RBMS1: variants seen among roughly 807,000 people sequenced by gnomAD.
RBMS1 encodes the protein RNA-binding motif, single-stranded-interacting protein 1.
Under a neutral mutation model 62.3 loss-of-function variants are expected in RBMS1, and 17 were observed. The ratio of observed to expected loss-of-function variants is 0.27; its 90% CI spans 0.19 to 0.41. RBMS1 has a LOEUF of 0.41. Among genes scored for constraint, RBMS1 ranks in the 10% least tolerant of loss-of-function variants. The probability of loss-of-function intolerance (pLI) is 1.00; values close to 1 mark genes in which losing one functional copy is unlikely to be tolerated. For missense variants in RBMS1, 334 were observed against 504.5 expected (o/e 0.66, Z 3.24); for synonymous variants, 172 against 170.0 (o/e 1.01, Z -0.09).
chr2:160,309,820 G>T (rs1018019580), intron 4 of RBMS1, among the ~76,000 whole-genome samples: 1 of 152,154 alleles, frequency 6.6e-6, no homozygotes, highest in Non-Finnish European at 1.5e-5. Flanking sequence ...GCTGAAGGAA[G>T]AGTGAGAAAA....
At chr2:160,307,232 G>C (rs939349150) in intron 4 of RBMS1, among the ~76,000 whole-genome samples, 1 of 152,074 alleles carries the variant, frequency 6.6e-6, no homozygotes, top group African/African-American at 2.4e-5. Context: ...GTTTTCTCTT[G>C]TACAGAATAG....
intron 1 of RBMS1, among the ~76,000 whole-genome samples, chr2:160,447,451 A>G (rs911107683): frequency 1.1e-4 from 17 of 152,240 alleles, no homozygotes; most frequent in Admixed American, 1.0e-3. Flanking sequence ...GTGAAAGTCT[A>G]TGCTTACTGA....
Position 160,493,547 on chromosome 2 carries a change from C to CCTT in RBMS1, c.-185_-184insAAG. On this transcript the variant is annotated 5_prime_UTR_variant, in exon 1 of 14. Transcript: ENST00000348849. ...TCCTCCTCCTCCTCCTCCTCTTCCT[C>CCTT]CTCCTCCTCCTCCTCCTCCTCCTCT... 1 of 604,262 alleles carries CCTT rather than the reference C, an allele frequency of 1.7e-6. No homozygotes were observed. Among genetic ancestry groups the CCTT allele is most frequent in the Non-Finnish European group, 2.9e-6 (1 of 343,046 alleles). 37.4% of individuals were successfully genotyped at this position (604,262 alleles called of 1,614,324 possible). A position where few individuals can be genotyped will look rare whatever the true frequency, so the allele number is the denominator to read the frequency against.
intron 1 of RBMS1, among the ~76,000 whole-genome samples, chr2:160,452,185 G>T (rs939970511): frequency 1.3e-5 from 2 of 151,930 alleles, no homozygotes; most frequent in Admixed American, 1.3e-4. Context: ...TGGAATTACT[G>T]GAACTTAGAG....
intron 1 of RBMS1, among the ~76,000 whole-genome samples, chr2:160,449,387 G>C (rs1249801888): frequency 2.0e-5 from 3 of 152,266 alleles, no homozygotes; most frequent in African/African-American, 7.2e-5. Context: ...GAATAGAAAA[G>C]GGGGAAATGT....
chr2:160,284,746 T>C (rs778176246), intron 9 of RBMS1, 29 bp downstream of exon 9: 4 of 1,466,602 alleles, frequency 2.7e-6, no homozygotes, highest in South Asian at 1.1e-5. Context: ...CAAGTGGTTA[T>C]ACTGCTGACG....
chr2:160,374,977 A>C (rs1693920280), intron 1 of RBMS1, among the ~76,000 whole-genome samples: 1 of 152,090 alleles, frequency 6.6e-6, no homozygotes, highest in African/African-American at 2.4e-5. Context: ...AAGTTAGAAT[A>C]TCCAGATTCA....
At chr2:160,278,257 A>G in intron 11 of RBMS1, 1 of 395,214 alleles carries the variant, frequency 2.5e-6, no homozygotes, top group Non-Finnish European at 4.6e-6. Flanking sequence ...ACACTGCCAC[A>G]GGGACAGTGG....
At chr2:160,299,599 C>T (rs572103872) in intron 6 of RBMS1, among the ~76,000 whole-genome samples, 2 of 152,104 alleles carry the variant, frequency 1.3e-5, no homozygotes, top group Non-Finnish European at 2.9e-5. Context: ...CTCAATGAGA[C>T]GGCACCTCAA....
intron 2 of RBMS1, among the ~76,000 whole-genome samples, chr2:160,347,376 T>C (rs963032298): frequency 2.0e-5 from 3 of 152,176 alleles, no homozygotes; most frequent in African/African-American, 7.2e-5. Context: ...TTTAAGGTAA[T>C]GGTTATAACA....
At chr2:160,339,325 T>A (rs2105992396) in intron 2 of RBMS1, among the ~76,000 whole-genome samples, 1 of 152,302 alleles carries the variant, frequency 6.6e-6, no homozygotes, top group Admixed American at 6.5e-5. Context: ...GATGAACAAG[T>A]TATTTTAATA....
At chr2:160,375,205 T>C (rs928864191) in intron 1 of RBMS1, among the ~76,000 whole-genome samples, 1 of 152,056 alleles carries the variant, frequency 6.6e-6, no homozygotes, top group Non-Finnish European at 1.5e-5. Flanking sequence ...GTCTGCCAAA[T>C]AGAGAAATGG....
chr2:160,296,554 G>A (rs377688539), intron 6 of RBMS1, among the ~76,000 whole-genome samples: 134 of 152,286 alleles, frequency 8.8e-4, no homozygotes, highest in African/African-American at 3.0e-3. Flanking sequence ...CTAGTTATAC[G>A]TGCACAGCCT....
At chr2:160,429,685 G>A (rs1682807927) in intron 1 of RBMS1, among the ~76,000 whole-genome samples, 2 of 152,188 alleles carry the variant, frequency 1.3e-5, no homozygotes, top group South Asian at 2.1e-4. Flanking sequence ...TCTGGAAGCA[G>A]TACAATGAAT....
At chr2:160,372,226 C>T (rs1362825887) in intron 1 of RBMS1, among the ~76,000 whole-genome samples, 5 of 149,414 alleles carry the variant, frequency 3.3e-5, no homozygotes, top group East Asian at 2.0e-4. Flanking sequence ...AATTCTAGTA[C>T]GTTTTGAAGG....
chr2:160,427,905 T>C (rs1682706067), intron 1 of RBMS1, among the ~76,000 whole-genome samples: 1 of 152,186 alleles, frequency 6.6e-6, no homozygotes, highest in South Asian at 2.1e-4. Context: ...AAAACATTTC[T>C]ATGAGAGCTG....
At chr2:160,419,272 T>G (rs1696319069) in intron 1 of RBMS1, among the ~76,000 whole-genome samples, 1 of 152,168 alleles carries the variant, frequency 6.6e-6, no homozygotes, top group Non-Finnish European at 1.5e-5. Flanking sequence ...TGAACATTAT[T>G]AAATATATCA....
intron 2 of RBMS1, among the ~76,000 whole-genome samples, chr2:160,326,192 T>A (rs62177270): frequency 2.6e-5 from 4 of 151,996 alleles, no homozygotes; most frequent in Non-Finnish European, 4.4e-5. Flanking sequence ...ATAAGTACAG[T>A]CAAGAAAGGA....
At chr2:160,426,293 A>AAAGAAAGAAAGAAAG (rs1559537439) in intron 1 of RBMS1, among the ~76,000 whole-genome samples, 3 of 60,424 alleles carry the variant, frequency 5.0e-5, no homozygotes, top group South Asian at 1.5e-3. Flanking sequence ...AAGAAAGAAA[A>AAAGAAAGAAAGAAAG]GAAAGAAGGA....
Sources: allele counts gnomAD v4.1 joint callset (sites outside exome capture counted in the v4.1 genomes callset), GRCh38; gene constraint gnomAD v4.1.1; transcripts MANE v1.5; gene names NCBI Gene and HGNC (gene_info 2026-07-23, HGNC 2026-07-21).